The following SPAG9 variants were observed in gnomAD, a reference collection of about 807,000 sequenced individuals.
SPAG9 encodes C-Jun-amino-terminal kinase-interacting protein 4.
SPAG9 carries 35 observed loss-of-function variants against 166.5 expected under a neutral mutation model. That is an observed-to-expected ratio of 0.21 (90% confidence interval 0.16 to 0.28). SPAG9 has a LOEUF of 0.28. SPAG9 is among the 10% of genes least tolerant of loss of function. The pLI is 1.00. For synonymous variants in SPAG9, 534 were observed against 565.5 expected, an observed-to-expected ratio of 0.94 and a Z score of 0.79; for missense variants, 1,235 against 1,603.3, an observed-to-expected ratio of 0.77 and a Z score of 3.92.
chr17:51,114,089 G>A (rs1478673033), intron 1 of SPAG9, among the ~76,000 whole-genome samples: 1 of 152,150 alleles, frequency 6.6e-6, no homozygotes, highest in Non-Finnish European at 1.5e-5. Context: ...ACTTTGGGAG[G>A]CCGAGGCAGG....
chr17:51,080,960 G>A (rs2048147738), intron 1 of SPAG9, among the ~76,000 whole-genome samples: 2 of 149,132 alleles, frequency 1.3e-5, no homozygotes, highest in South Asian at 4.2e-4. Flanking sequence ...CTCCTCTCCT[G>A]GTCTTCTCTA....
intron 1 of SPAG9, among the ~76,000 whole-genome samples, chr17:51,097,802 T>C (rs1349822658): frequency 1.3e-5 from 2 of 152,026 alleles, no homozygotes; most frequent in East Asian, 1.9e-4. Context: ...ATTTTTTTAT[T>C]TGTTTGCTTT....
At chr17:50,998,115 C>T (rs372001860) in intron 15 of SPAG9, among the ~76,000 whole-genome samples, 1 of 149,384 alleles carries the variant, frequency 6.7e-6, no homozygotes, top group Non-Finnish European at 1.5e-5. Flanking sequence ...TCACTGCAAC[C>T]CCGCCTCCTG....
intron 6 of SPAG9, 35 bp downstream of exon 6, chr17:51,031,646 A>G: frequency 6.6e-7 from 1 of 1,506,746 alleles, no homozygotes; most frequent in Non-Finnish European, 9.0e-7. Context: ...ACTTTAGTAT[A>G]CTTTTTGCAA....
At chr17:50,996,811 A>G in intron 15 of SPAG9, 117 bp from the exon 16 acceptor site, 2 of 1,008,582 alleles carry the variant, frequency 2.0e-6, no homozygotes, top group South Asian at 3.2e-5. Context: ...CATGATTTCA[A>G]ATTAGTTTAT....
chr17:50,970,409 G>A (rs1337013225), intron 29 of SPAG9, among the ~76,000 whole-genome samples: 1 of 151,660 alleles, frequency 6.6e-6, no homozygotes, highest in East Asian at 1.9e-4. Context: ...AGCTACCTGG[G>A]GGGCTGAAGC....
intron 3 of SPAG9, among the ~76,000 whole-genome samples, chr17:51,051,239 G>A (rs2047175301): frequency 6.6e-6 from 1 of 152,138 alleles, no homozygotes; most frequent in South Asian, 2.1e-4. Context: ...CTCCCAGGTA[G>A]CTGGGATTAC....
intron 2 of SPAG9, among the ~76,000 whole-genome samples, chr17:51,078,848 T>A (rs76978918): frequency 0.11 from 16,527 of 152,044 alleles, 1,187 homozygotes; most frequent in Non-Finnish European, 0.16. Flanking sequence ...TCTAATTACA[T>A]GCTTAGGTAA....
chr17:51,005,951 T>C, intron 11 of SPAG9, 134 bp downstream of exon 11: 11 of 889,652 alleles, frequency 1.2e-5, no homozygotes, highest in Non-Finnish European at 1.9e-5. Context: ...CTGGGGCACT[T>C]TGCCCTCTCC....
chr17:50,981,546 A>ATAG (rs1399025195), intron 25 of SPAG9, among the ~76,000 whole-genome samples: 3 of 151,918 alleles, frequency 2.0e-5, no homozygotes, highest in Non-Finnish European at 4.4e-5. Flanking sequence ...AGAAAGAAAG[A>ATAG]ATAGATAGAT....
intron 1 of SPAG9, among the ~76,000 whole-genome samples, chr17:51,084,848 TTTTA>T (rs144810271): frequency 0.11 from 16,416 of 151,772 alleles, 1,115 homozygotes; most frequent in Non-Finnish European, 0.16. Flanking sequence ...CTATTTTGCT[TTTTA>T]TTTATTTATT....
chr17:51,000,303 A>G (rs2044875637), intron 13 of SPAG9, among the ~76,000 whole-genome samples: 1 of 152,252 alleles, frequency 6.6e-6, no homozygotes, highest in South Asian at 2.1e-4. Context: ...TCATAATCAG[A>G]GCTCTCTTTT....
intron 3 of SPAG9, among the ~76,000 whole-genome samples, chr17:51,052,378 C>T (rs1456151982): frequency 3.9e-5 from 6 of 152,024 alleles, no homozygotes; most frequent in African/African-American, 1.4e-4. Flanking sequence ...CAGAACAGAC[C>T]CACATTTCAA....
chr17:51,077,029 TC>T (rs2048009148), intron 2 of SPAG9, among the ~76,000 whole-genome samples: 4 of 65,274 alleles, frequency 6.1e-5, no homozygotes, highest in African/African-American at 1.1e-4. Flanking sequence ...TATCTAGCTA[TC>T]TATCTAGCTA....
chr17:51,007,160 G>C, intron 10 of SPAG9, 109 bp downstream of exon 10: 1 of 573,156 alleles, frequency 1.7e-6, no homozygotes, highest in Non-Finnish European at 3.1e-6. Context: ...GTTGGGGAAC[G>C]AGATGGGACA....
intron 5 of SPAG9, among the ~76,000 whole-genome samples, chr17:51,034,652 AGAAGAATT>A (rs2046517131): frequency 2.0e-5 from 3 of 152,236 alleles, no homozygotes; most frequent in Non-Finnish European, 4.4e-5. Flanking sequence ...TCTCCCTGAT[AGAAGAATT>A]CCAATTAATA....
chr17:51,082,377 C>CAAAAAAAAAAA, intron 1 of SPAG9, among the ~76,000 whole-genome samples: 1 of 48,942 alleles, frequency 2.0e-5, no homozygotes, highest in Non-Finnish European at 3.7e-5. Context: ...AAGACTGTCT[C>CAAAAAAAAAAA]AAAAAAAAAA....
chr17:50,970,405 C>A (rs1470721414), intron 29 of SPAG9, among the ~76,000 whole-genome samples: 2 of 151,028 alleles, frequency 1.3e-5, no homozygotes, highest in East Asian at 3.9e-4. Flanking sequence ...TTCTAGCTAC[C>A]TGGGGGGCTG....
Position 51,054,962 on chromosome 17 carries a change from T to C in SPAG9, c.495+1450A>G, listed in dbSNP as rs538849647. Among the ~76,000 whole-genome samples, 478 of 152,258 alleles carry C rather than the reference T, an allele frequency of 3.1e-3. 2 individuals carry two copies. Among genetic ancestry groups the C allele is most frequent in the South Asian group, 0.011 (54 of 4,824 alleles). ...AATTCTACACCCTACCCCAAGAAAGTGCTAACCACATTATTCAAATGCAAT... is the reference window on the plus strand; with the variant it reads ...AATTCTACACCCTACCCCAAGAAAGCGCTAACCACATTATTCAAATGCAAT... On this transcript the variant is annotated intron_variant, in intron 3 of 29. Coordinates refer to ENST00000262013, the MANE Select transcript of SPAG9 (RefSeq NM_001130528.3).
Sources: allele counts gnomAD v4.1 joint callset (sites outside exome capture counted in the v4.1 genomes callset), GRCh38; gene constraint gnomAD v4.1.1; transcripts MANE v1.5; gene names NCBI Gene and HGNC (gene_info 2026-07-23, HGNC 2026-07-21).